GLRA2: variants seen among roughly 807,000 people sequenced by gnomAD.
The protein encoded by GLRA2 is glycine receptor alpha 2.
A neutral mutation model predicts 31.6 loss-of-function variants in GLRA2; 11 were observed. The ratio of observed to expected loss-of-function variants is 0.35; its 90% CI spans 0.22 to 0.58. The LOEUF (loss-of-function observed/expected upper bound fraction) is 0.58, where lower values mean the gene tolerates loss of function less well. Ranked by LOEUF, GLRA2 falls within the 20% of genes least tolerant of loss-of-function variation. The probability of loss-of-function intolerance (pLI) is 0.84; values close to 1 mark genes in which losing one functional copy is unlikely to be tolerated. For missense variants in GLRA2, 212 were observed against 351.8 expected, an observed-to-expected ratio of 0.60 and a Z score of 3.18; for synonymous variants, 132 against 134.0, an observed-to-expected ratio of 0.99 and a Z score of 0.10.
At chrX:14,652,838 T>G (rs761760715) in intron 7 of GLRA2, among the ~76,000 whole-genome samples, 1 of 111,357 alleles carries the variant, frequency 9.0e-6, no homozygotes, top group South Asian at 3.8e-4. Context: ...AAAGGAAGAG[T>G]TGCACATCTC....
intron 7 of GLRA2, among the ~76,000 whole-genome samples, chrX:14,681,906 A>ATAT (rs1449879160): frequency 3.0e-4 from 12 of 39,348 alleles, no homozygotes; most frequent in South Asian, 8.7e-4. Flanking sequence ...AAAAAAAAAA[A>ATAT]AAAAATATAT....
intron 4 of GLRA2, among the ~76,000 whole-genome samples, chrX:14,599,675 G>A (rs6653799): frequency 0.22 from 24,188 of 111,121 alleles, 2,265 homozygotes; most frequent in Non-Finnish European, 0.3. Context: ...AAATATTCTA[G>A]GGTGATGGGA....
At chrX:14,522,297 A>C in the GLRA2 span, among the ~76,000 whole-genome samples, 5 of 112,226 alleles carry the variant, frequency 4.5e-5, no homozygotes, top group East Asian at 1.4e-3. Flanking sequence ...AAGTTTTGTC[A>C]TGGGTTTGCA....
At chrX:14,528,829 G>A (rs912411286), upstream of GLRA2, among the ~76,000 whole-genome samples, 10 of 111,315 alleles carry the variant, frequency 9.0e-5, no homozygotes, top group Admixed American at 2.9e-4. Flanking sequence ...CCCCCTGCCG[G>A]CCCATTGTCT....
At chrX:14,508,097 C>T in the GLRA2 span, among the ~76,000 whole-genome samples, 1 of 111,646 alleles carries the variant, frequency 9.0e-6, no homozygotes, top group Non-Finnish European at 1.9e-5. Flanking sequence ...TTGTGAAGGA[C>T]CTCTTTCTCT....
the GLRA2 span, among the ~76,000 whole-genome samples, chrX:14,515,190 A>G: frequency 1.8e-5 from 2 of 111,817 alleles, no homozygotes; most frequent in Non-Finnish European, 3.8e-5. Context: ...CCCTGAGTAT[A>G]TGAAGTCATT....
chrX:14,493,514 TATATAC>T, the GLRA2 span, among the ~76,000 whole-genome samples: 1 of 73,811 alleles, frequency 1.4e-5, no homozygotes, highest in Non-Finnish European at 2.9e-5. Context: ...CATATATATA[TATATAC>T]ACACATATAT....
chrX:14,594,412 T>C (rs1290024704), intron 4 of GLRA2, among the ~76,000 whole-genome samples: 1 of 111,707 alleles, frequency 9.0e-6, no homozygotes, highest in Non-Finnish European at 1.9e-5. Flanking sequence ...TATTTCAATG[T>C]GCAGGCTACA....
the GLRA2 span, among the ~76,000 whole-genome samples, chrX:14,504,107 C>T: frequency 9.0e-6 from 1 of 111,731 alleles, no homozygotes; most frequent in Non-Finnish European, 1.9e-5. Flanking sequence ...GATTTTCTTC[C>T]CCACAGTATG....
intron 2 of GLRA2, among the ~76,000 whole-genome samples, chrX:14,549,440 C>A (rs776275995): frequency 9.0e-6 from 1 of 111,277 alleles, no homozygotes; most frequent in Non-Finnish European, 1.9e-5. Context: ...CTCAAGATAC[C>A]TTTCAAAGGA....
chrX:14,603,081 A>ATTTTT (rs58676051), intron 4 of GLRA2, among the ~76,000 whole-genome samples: 9 of 96,285 alleles, frequency 9.3e-5, no homozygotes, highest in Non-Finnish European at 1.5e-4. Flanking sequence ...GCCAACATCT[A>ATTTTT]TTTTTTTTTT....
At chrX:14,669,360 G>T (rs755252345) in intron 7 of GLRA2, among the ~76,000 whole-genome samples, 4 of 111,560 alleles carry the variant, frequency 3.6e-5, no homozygotes, top group Non-Finnish European at 7.5e-5. Context: ...TTCTGGGGTC[G>T]GAAGGACGGT....
At chrX:14,726,669 G>C (rs1344948108) in intron 8 of GLRA2, among the ~76,000 whole-genome samples, 1 of 112,352 alleles carries the variant, frequency 8.9e-6, no homozygotes, top group Non-Finnish European at 1.9e-5. Context: ...ATTCTAACCT[G>C]ACATCCTTCT....
intron 3 of GLRA2, among the ~76,000 whole-genome samples, chrX:14,578,578 T>C (rs934059600): frequency 1.8e-5 from 2 of 112,374 alleles, no homozygotes; most frequent in Non-Finnish European, 3.8e-5. Context: ...AGATGACTAA[T>C]AAGGAGAAAA....
intron 2 of GLRA2, among the ~76,000 whole-genome samples, chrX:14,568,721 A>AG (rs1479227979): frequency 1.8e-5 from 2 of 108,971 alleles, no homozygotes; most frequent in African/African-American, 3.3e-5. Flanking sequence ...AAAAGAAAAA[A>AG]AAGAAATAGT....
chrX:14,484,623 G>A, the GLRA2 span, among the ~76,000 whole-genome samples: 4 of 112,024 alleles, frequency 3.6e-5, no homozygotes, highest in Non-Finnish European at 7.5e-5. Flanking sequence ...CAAAAAAGGA[G>A]TGAGCATGGC....
chrX:14,499,863 ATT>A, the GLRA2 span, among the ~76,000 whole-genome samples: 13 of 110,299 alleles, frequency 1.2e-4, no homozygotes, highest in African/African-American at 3.9e-4. Context: ...GTAAAAATGG[ATT>A]TTTTTTTAAA....
chrX:14,694,258 G>A lies in GLRA2; in HGVS notation c.1080+3399G>A, dbSNP rs150249995. 7.7e-3 allele frequency among the ~76,000 whole-genome samples: 862 copies of A among 111,314 alleles called. 16 individuals are homozygous for A. Among genetic ancestry groups the A allele is most frequent in the African/African-American group, 0.027 (828 of 30,710 alleles). On this transcript the variant is annotated intron_variant, in intron 8 of 8. Transcript: ENST00000218075. ...AAAATTTAGCTCTCAAAGGGAGAGA[G>A]GGTAAAACAAATTTCTGCACAATCT...
chrX:14,610,160 A>G (rs2090382830), intron 7 of GLRA2, among the ~76,000 whole-genome samples: 1 of 111,973 alleles, frequency 8.9e-6, no homozygotes, highest in South Asian at 3.7e-4. Flanking sequence ...TCCAAAATGC[A>G]TTTCCGGAAA....
Sources: gnomAD v4.1 joint callset for allele counts (sites outside exome capture counted in the v4.1 genomes callset) on GRCh38, gnomAD v4.1.1 for gene constraint, MANE v1.5 for transcripts, NCBI Gene and HGNC (gene_info 2026-07-23, HGNC 2026-07-21) for gene names.